ACSM2A: variants seen among roughly 807,000 people sequenced by gnomAD.
The protein encoded by ACSM2A is acyl-coenzyme A synthetase ACSM2A, mitochondrial.
ACSM2A carries 72 observed loss-of-function variants against 76.6 expected under a neutral mutation model. The observed-to-expected ratio is 0.94, with a 90% confidence interval of 0.78 to 1.14. The LOEUF (loss-of-function observed/expected upper bound fraction) is 1.14. Ranked by LOEUF, ACSM2A falls within the 50% of genes most tolerant of loss-of-function variation. ACSM2A has a pLI of 0.00. For synonymous variants in ACSM2A, 249 were observed against 255.9 expected (o/e 0.97, Z 0.26); for missense variants, 684 against 708.5 (o/e 0.97, Z 0.39).
chr16:20,475,769 A>G lies in ACSM2A; in HGVS notation c.1094A>G (p.Glu365Gly). The change falls in exon 8 of 14, where the codon GAA becomes GGA. Residue 365 changes from glutamate to glycine, a missense_variant. Coordinates refer to ENST00000573854, the MANE Select transcript of ACSM2A (RefSeq NM_001308172.2). ...LDIRESYGQT[E>G]TGLTCMVSKT... ...ATCCGAGAATCCTATGGCCAGACAG[A>G]AACGGTACCTGTTCCCAGGGGAACC... 6.2e-7 allele frequency: 1 copy of G among 1,613,952 alleles called. No homozygotes were observed. The highest frequency in any genetic ancestry group is 8.5e-7 in the Non-Finnish European group (1 of 1,179,850).
At chr16:20,459,499 T>C (rs1347694341) in intron 1 of ACSM2A, among the ~76,000 whole-genome samples, 5 of 152,314 alleles carry the variant, frequency 3.3e-5, no homozygotes, top group African/African-American at 1.2e-4. Flanking sequence ...GTGTTGCTAG[T>C]GGCCATGCTA....
rs1596685905 is a variant in ACSM2A, at chr16:20,486,619, C to T, written c.1675C>T (p.Gln559Ter). ...NLPKTVTGKIQRAKLRDKEWK... is the reference protein window; with the variant it reads ...NLPKTVTGKI ...GCCCAAGACTGTCACAGGGAAAATT[C>T]AACGAGCCAAGCTTCGAGACAAGGA... Residue 559 changes from glutamine to a stop codon, truncating the protein, a stop_gained, in exon 14 of 14, where the codon CAA (glutamine) becomes TAA (stop). Transcript: ENST00000573854. LOFTEE classifies it high-confidence loss of function. 1 of 1,614,178 alleles carries T rather than the reference C, an allele frequency of 6.2e-7. No homozygotes were observed. The highest frequency in any genetic ancestry group is 8.5e-7 in the Non-Finnish European group (1 of 1,180,016).
chr16:20,464,614 G>A (rs1156503194), intron 2 of ACSM2A, among the ~76,000 whole-genome samples: 2 of 151,962 alleles, frequency 1.3e-5, no homozygotes, highest in African/African-American at 2.4e-5. Context: ...ATTCATGAGG[G>A]TCCCACCCCC....
chr16:20,476,817 T>C lies in ACSM2A; in HGVS notation c.1099-552T>C, dbSNP rs771898164. On this transcript the variant is annotated intron_variant, in intron 8 of 13. Coordinates refer to ENST00000573854, the MANE Select transcript of ACSM2A (RefSeq NM_001308172.2). ...TTTGTTATTCTGTTGGGAAGGTTCATTTCAGGGTTCAAGCAGAACTGGTGC... is the reference window on the plus strand; with the variant it reads ...TTTGTTATTCTGTTGGGAAGGTTCACTTCAGGGTTCAAGCAGAACTGGTGC... The C allele has an allele frequency of 2.0e-5, 15 of 749,926 alleles. No homozygotes were observed. In the African/African-American group the frequency reaches 2.3e-4, roughly 11 times the overall value. The allele number at this position is 749,926 out of a possible 1,614,324, so 46.5% of individuals were successfully genotyped here.
chr16:20,468,872 A>G (rs1461513680), intron 3 of ACSM2A, among the ~76,000 whole-genome samples: 1 of 152,154 alleles, frequency 6.6e-6, no homozygotes, highest in African/African-American at 2.4e-5. Context: ...TAAGAGCAAA[A>G]CTTTCTAATG....
At chr16:20,478,766 A>G (rs2013914235) in intron 10 of ACSM2A, 89 bp downstream of exon 10, 2 of 1,464,436 alleles carry the variant, frequency 1.4e-6, no homozygotes, top group Admixed American at 2.0e-5. Context: ...TGAAACTTCC[A>G]AGAGGCACTA....
intron 9 of ACSM2A, 132 bp downstream of exon 9, chr16:20,477,581 G>A (rs1417237546): frequency 7.0e-7 from 1 of 1,432,566 alleles, no homozygotes; most frequent in Non-Finnish European, 9.2e-7. Flanking sequence ...AAAAAAAGGA[G>A]GTAGGGAGGT....
chr16:20,472,454 C>A (rs921329981), intron 6 of ACSM2A, among the ~76,000 whole-genome samples: 1 of 152,118 alleles, frequency 6.6e-6, no homozygotes, highest in African/African-American at 2.4e-5. Context: ...GCTTCATTAC[C>A]TTGCATAATT....
chr16:20,463,271 A>G (rs1011212723), intron 2 of ACSM2A, among the ~76,000 whole-genome samples: 3 of 152,022 alleles, frequency 2.0e-5, no homozygotes, highest in African/African-American at 7.2e-5. Context: ...ACCAAAAAAA[A>G]AAGAGAATAT....
At chr16:20,462,506 A>G (rs2012687255) in intron 2 of ACSM2A, among the ~76,000 whole-genome samples, 1 of 152,190 alleles carries the variant, frequency 6.6e-6, no homozygotes, top group Non-Finnish European at 1.5e-5. Flanking sequence ...GTGAGGAAAC[A>G]GACACTCTCA....
At chr16:20,468,677 A>G (rs953688978) in intron 3 of ACSM2A, among the ~76,000 whole-genome samples, 4 of 152,350 alleles carry the variant, frequency 2.6e-5, no homozygotes, top group African/African-American at 7.2e-5. Context: ...TAGTTATTCT[A>G]CAGAATATTT....
rs369711127 is a variant in ACSM2A, at chr16:20,472,173, G to C, written c.894+484G>C. Among the ~76,000 whole-genome samples, 165 of 152,228 alleles carry C rather than the reference G, an allele frequency of 1.1e-3. 1 individual carries two copies. Among genetic ancestry groups the C allele is most frequent in the African/African-American group, 3.7e-3 (153 of 41,526 alleles). ...ATGTGTACAGTTTGAAAATAATTTA[G>C]CTGTGTTAGATACTGTCTTAGTCAG... On this transcript the variant is annotated intron_variant, in intron 6 of 13. Coordinates refer to ENST00000573854, the MANE Select transcript of ACSM2A (RefSeq NM_001308172.2).
intron 8 of ACSM2A, chr16:20,476,066 G>T: frequency 9.5e-7 from 1 of 1,054,608 alleles, no homozygotes; most frequent in Non-Finnish European, 1.2e-6. Flanking sequence ...TAAAGTAGAT[G>T]ACATGGGGTG....
At chr16:20,475,857 A>G (rs2013709705) in intron 8 of ACSM2A, 84 bp downstream of exon 8, 4 of 1,590,902 alleles carry the variant, frequency 2.5e-6, no homozygotes, top group East Asian at 4.5e-5. Context: ...GTTAGCCACC[A>G]TGTATCATTC....
intron 6 of ACSM2A, among the ~76,000 whole-genome samples, chr16:20,472,883 T>C (rs2013504405): frequency 6.6e-6 from 1 of 152,208 alleles, no homozygotes; most frequent in African/African-American, 2.4e-5. Flanking sequence ...CATCCTATTG[T>C]TAATGAACTT....
chr16:20,452,253 G>C (rs538185517), intron 1 of ACSM2A: 2 of 151,898 alleles, frequency 1.3e-5, no homozygotes, highest in South Asian at 4.2e-4. Flanking sequence ...CCTTAATCTG[G>C]GTAGGAACCA....
chr16:20,460,290 A>T lies in ACSM2A; in HGVS notation c.176A>T (p.Lys59Met), dbSNP rs752076039. ...TTGGATCACTGGGCTGACATGGAGA[A>T]GGTAATGGGGTGGAAAAGAGGCACA... Reference protein sequence around the residue: ...DVLDHWADMEKAGKRLPSPAL... With the variant: ...DVLDHWADMEMAGKRLPSPAL... Residue 59 changes from lysine (K) to methionine (M), a missense_variant and splice_region_variant, in exon 2 of 14, where the codon AAG becomes ATG. By Grantham distance (95) the Lys-to-Met change is moderately conservative. This residue lies in a region of ACSM2A where 519 missense variants were observed against 549.5 expected (regional missense o/e 0.94). Transcript: ENST00000573854. The T allele has an allele frequency of 5.0e-6, 8 of 1,613,694 alleles. No homozygotes were observed. Among genetic ancestry groups the T allele is most frequent in the Non-Finnish European group, 6.8e-6 (8 of 1,179,756 alleles).
rs2141741864 is a variant in ACSM2A, at chr16:20,475,733, C to G, written c.1058C>G (p.Thr353Arg). 1.2e-6 allele frequency: 2 copies of G among 1,614,034 alleles called. No homozygotes were observed. The highest frequency in any genetic ancestry group is 1.1e-5 in the South Asian group (1 of 91,074). ...ACTCTGGAGAACTGGAGGGCCCAGA[C>G]AGGACTGGACATCCGAGAATCCTAT... ...PETLENWRAQ[T>R]GLDIRESYGQ... The change falls in exon 8 of 14, where the codon ACA (threonine) becomes AGA (arginine). Residue 353 changes from threonine (T) to arginine (R), a missense_variant. This residue lies in a region of ACSM2A where 519 missense variants were observed against 549.5 expected (regional missense o/e 0.94). Transcript: ENST00000573854.
intron 8 of ACSM2A, 150 bp from the exon 9 acceptor site, chr16:20,477,219 G>T: frequency 7.7e-7 from 1 of 1,306,032 alleles, no homozygotes. Flanking sequence ...CAGTAATGGG[G>T]AGAGAGCCAG....
Sources: allele counts gnomAD v4.1 joint callset (sites outside exome capture counted in the v4.1 genomes callset), GRCh38; gene constraint gnomAD v4.1.1; regional missense constraint gnomAD v4.1.1; transcripts MANE v1.5; gene names NCBI Gene and HGNC (gene_info 2026-07-23, HGNC 2026-07-21).